DYNC2H1: variants seen among roughly 807,000 people sequenced by gnomAD.
DYNC2H1 encodes cytoplasmic dynein 2 heavy chain 1.
In DYNC2H1, 410 loss-of-function variants were observed where a neutral mutation model predicts 570.0. The observed-to-expected ratio is 0.72, with a 90% CI of 0.66 to 0.78. DYNC2H1 has a LOEUF of 0.78. DYNC2H1 is among the 30% of genes least tolerant of loss of function. The pLI is 0.00. For missense variants in DYNC2H1, 4,865 were observed against 5,046.4 expected (o/e 0.96, Z 1.09); for synonymous variants, 1,688 against 1,677.6 (o/e 1.01, Z -0.15).
chr11:103,275,734 G>A lies in DYNC2H1; in HGVS notation c.10696-4614G>A, dbSNP rs55937806. Among the ~76,000 whole-genome samples the A allele has an allele frequency of 0.089, 13,450 of 151,918 alleles. 782 individuals carry two copies. Among genetic ancestry groups the A allele is most frequent in the Non-Finnish European group, 0.12 (8,133 of 67,966 alleles). On this transcript the variant is annotated intron_variant, in intron 70 of 88. Coordinates refer to ENST00000375735, the MANE Select transcript of DYNC2H1 (RefSeq NM_001377.3). The surrounding 1 kb of genome is among the most constrained non-coding windows in gnomAD (Gnocchi z 4.8). ...AATGTTGATTAAAATTCCTTTATCTGGAGGACCACAGTTTATCCATTCGGC... is the reference window on the plus strand; with the variant it reads ...AATGTTGATTAAAATTCCTTTATCTAGAGGACCACAGTTTATCCATTCGGC...
chr11:103,203,854 C>A lies in DYNC2H1; in HGVS notation c.8311+78C>A. Reference sequence around the variant, plus strand: ...TATCATTTAATTTGCCTTATTTTGTCATTAGATTGCAAAGGTATCTTAAAT... The same window carrying A: ...TATCATTTAATTTGCCTTATTTTGTAATTAGATTGCAAAGGTATCTTAAAT... On this transcript the variant is annotated intron_variant, in intron 51 of 88. Transcript: ENST00000375735. This position sits in a 1 kb window ranked among gnomAD's most constrained non-coding sequence, Gnocchi z 4.7. The A allele has an allele frequency of 3.1e-6, 3 of 957,666 alleles. No homozygotes were observed. Among genetic ancestry groups the A allele is most frequent in the East Asian group, 2.6e-5 (1 of 37,954 alleles). 59.3% of individuals were successfully genotyped at this position (957,666 alleles called of 1,614,324 possible). A position where few individuals can be genotyped will look rare whatever the true frequency, so the allele number is the denominator to read the frequency against.
rs375822959 is a variant in DYNC2H1 at position 103,368,018 on chromosome 11, G to A, written c.12156+9659G>A. Among the ~76,000 whole-genome samples, 3 of 151,650 alleles carry A rather than the reference G, an allele frequency of 2.0e-5. No individual in the cohort carries two copies. In the South Asian group the frequency reaches 6.2e-4, roughly 32 times the overall value. ...ACCATGTTTTCTTTATCCATTCATT[G>A]TTGCACATTTAGGTTAGTTCTGTAT... On this transcript the variant is annotated intron_variant, in intron 83 of 88. Coordinates refer to ENST00000375735, the MANE Select transcript of DYNC2H1 (RefSeq NM_001377.3).
intron 13 of DYNC2H1, among the ~76,000 whole-genome samples, chr11:103,130,186 C>T (rs1269106397): frequency 1.3e-5 from 2 of 152,124 alleles, no homozygotes; most frequent in Admixed American, 6.5e-5. Flanking sequence ...GGGATGGCCA[C>T]GTAGACACTT....
chr11:103,284,052 T>C (rs1866250697), intron 73 of DYNC2H1, among the ~76,000 whole-genome samples: 1 of 152,132 alleles, frequency 6.6e-6, no homozygotes, highest in Admixed American at 6.5e-5. Context: ...TTAGTGAGAA[T>C]TTCTTAATCT....
intron 18 of DYNC2H1, among the ~76,000 whole-genome samples, chr11:103,146,039 T>C (rs544100097): frequency 7.9e-5 from 12 of 152,326 alleles, no homozygotes; most frequent in African/African-American, 2.9e-4. Context: ...CATGAGTCTT[T>C]ACGTGTCAGG....
chr11:103,116,601 T>C lies in DYNC2H1; in HGVS notation c.653T>C (p.Leu218Pro), dbSNP rs1858411739. 2 of 1,608,122 alleles carry C rather than the reference T, an allele frequency of 1.2e-6. No homozygotes were observed. The highest frequency in any genetic ancestry group is 1.7e-6 in the Non-Finnish European group (2 of 1,176,702). The change falls in exon 5 of 89, where the codon CTA becomes CCA. Residue 218 changes from leucine (L) to proline (P), a missense_variant. Physicochemically the swap from Leu to Pro is moderately conservative, Grantham distance 98. This residue lies in a region of DYNC2H1 where 1,936 missense variants were observed against 1,962.1 expected (regional missense o/e 0.99). Transcript: ENST00000375735. ...EFYNLDSLSL[L>P]EVVDLVETTQ... The stretch of plus-strand genomic sequence containing the variant: ...TATAACTTGGACAGTCTATCCTTAC[T>C]AGAAGTTGTTGACTTGGTGGAGACT...
At position 103,479,452 on chromosome 11, in the gene DYNC2H1, T is replaced by A; in HGVS notation, c.*199T>A. On this transcript the variant is annotated 3_prime_UTR_variant, in exon 89 of 89. Coordinates refer to ENST00000375735, the MANE Select transcript of DYNC2H1 (RefSeq NM_001377.3). ...AAGTAATAAATTAATGGAGTTATTG[T>A]TAAAACAGAGTATTCTTTTGACAAC... 1 of 475,036 alleles carries A rather than the reference T, an allele frequency of 2.1e-6. No homozygotes were observed. Among genetic ancestry groups the A allele is most frequent in the Non-Finnish European group, 3.4e-6 (1 of 296,266 alleles). 29.4% of individuals were successfully genotyped at this position (475,036 alleles called of 1,614,324 possible). A position where few individuals can be genotyped will look rare whatever the true frequency, so the allele number is the denominator to read the frequency against.
chr11:103,454,439 TAATA>T (rs138291858), intron 85 of DYNC2H1, among the ~76,000 whole-genome samples: 36,373 of 151,850 alleles, frequency 0.24, 4,516 homozygotes, highest in Admixed American at 0.33. Flanking sequence ...TACCTGAGTT[TAATA>T]ACTTCCTGGT....
rs1246082712 is a variant in DYNC2H1 at position 103,171,032 on chromosome 11, G to A, written c.5298G>A (p.Lys1766=). Residue 1766 remains lysine, a synonymous_variant, in exon 34 of 89, where the codon AAG becomes AAA. Transcript: ENST00000375735. ...MQIQTIQDAL[K]NHRTVCELLG... ...TCCAGACAATTCAAGATGCTTTGAA[G>A]AATCATAGAACTGTATGTGAACTGC... 1.9e-6 allele frequency: 3 copies of A among 1,611,808 alleles called. No individual in the cohort carries two copies. Among genetic ancestry groups the A allele is most frequent in the East Asian group, 2.2e-5 (1 of 44,802 alleles).
chr11:103,302,063 T>C (rs1591545790), intron 75 of DYNC2H1, among the ~76,000 whole-genome samples: 1 of 152,176 alleles, frequency 6.6e-6, no homozygotes, highest in African/African-American at 2.4e-5. Context: ...ATGGAAACTT[T>C]CAAGTTTTAG....
At chr11:103,354,316 G>T (rs944042227) in intron 82 of DYNC2H1, among the ~76,000 whole-genome samples, 1 of 151,042 alleles carries the variant, frequency 6.6e-6, no homozygotes. Flanking sequence ...AAAATTCTGG[G>T]TTTTTTTCTG....
Position 103,129,452 on chromosome 11 carries a change from C to A in DYNC2H1, c.1953+447C>A, listed in dbSNP as rs143213386. On this transcript the variant is annotated intron_variant, in intron 13 of 88. Coordinates refer to ENST00000375735, the MANE Select transcript of DYNC2H1 (RefSeq NM_001377.3). The surrounding 1 kb of genome is among the most constrained non-coding windows in gnomAD (Gnocchi z 4.1). Reference sequence around the variant, plus strand: ...CATCCCAGCACTTTCGAGGCCGAGGCGGGTGGATCACCTGACATCAGGGGT... The same window carrying A: ...CATCCCAGCACTTTCGAGGCCGAGGAGGGTGGATCACCTGACATCAGGGGT... Among the ~76,000 whole-genome samples, 6 of 152,102 alleles carry A rather than the reference C, an allele frequency of 3.9e-5. No individual in the cohort carries two copies. The highest frequency in any genetic ancestry group is 3.9e-4 in the Admixed American group (6 of 15,250).
intron 30 of DYNC2H1, among the ~76,000 whole-genome samples, chr11:103,164,366 T>C (rs562522863): frequency 6.6e-6 from 1 of 152,232 alleles, no homozygotes; most frequent in African/African-American, 2.4e-5. Context: ...GTTCATTATC[T>C]ACTAAAATAA....
chr11:103,243,147 A>C lies in DYNC2H1; in HGVS notation c.9820-546A>C, dbSNP rs556066046. On this transcript the variant is annotated intron_variant, in intron 63 of 88. Transcript: ENST00000375735. This position sits in a 1 kb window ranked among gnomAD's most constrained non-coding sequence, Gnocchi z 4.8. ...TAATATTGGATATATACTGCTTTAG[A>C]AGAATTAATGTCTTAAAATGTGAAC... Among the ~76,000 whole-genome samples the C allele has an allele frequency of 7.8e-4, 119 of 152,292 alleles. 1 individual carries two copies. Among genetic ancestry groups the C allele is most frequent in the African/African-American group, 2.7e-3 (112 of 41,572 alleles).
At chr11:103,384,215 A>G (rs61896836) in intron 83 of DYNC2H1, among the ~76,000 whole-genome samples, 22,997 of 152,136 alleles carry the variant, frequency 0.15, 1,902 homozygotes, top group Admixed American at 0.24. Context: ...TGTTTTATTT[A>G]TACAGGTTCA....
chr11:103,310,167 C>T (rs1257339391), intron 78 of DYNC2H1, among the ~76,000 whole-genome samples: 1 of 151,912 alleles, frequency 6.6e-6, no homozygotes, highest in East Asian at 1.9e-4. Context: ...TTCCAAGTAA[C>T]TGTTGCTATA....
At chr11:103,224,601 A>C (rs749828575) in intron 59 of DYNC2H1, among the ~76,000 whole-genome samples, 1 of 152,204 alleles carries the variant, frequency 6.6e-6, no homozygotes, top group Non-Finnish European at 1.5e-5. Flanking sequence ...GTGGCTGAGC[A>C]GTATTCCGTG....
chr11:103,168,706 T>A, intron 31 of DYNC2H1, 49 bp from the exon 32 acceptor site: 2 of 1,565,216 alleles, frequency 1.3e-6, no homozygotes, highest in Non-Finnish European at 1.7e-6. Flanking sequence ...ATTATATAAA[T>A]CACAGGCTAA....
intron 78 of DYNC2H1, among the ~76,000 whole-genome samples, chr11:103,308,610 C>T (rs1867414816): frequency 6.6e-6 from 1 of 152,112 alleles, no homozygotes; most frequent in African/African-American, 2.4e-5. Flanking sequence ...GTTTTACATT[C>T]CCACTAGCAC....
Sources: gnomAD v4.1 joint callset for allele counts (sites outside exome capture counted in the v4.1 genomes callset) on GRCh38, gnomAD v4.1.1 for gene constraint, gnomAD v4.1.1 regional missense constraint, Gnocchi (gnomAD v3.1) non-coding constraint, MANE v1.5 for transcripts, NCBI Gene and HGNC (gene_info 2026-07-23, HGNC 2026-07-21) for gene names.